The following CAST variants were observed in gnomAD, a reference collection of about 807,000 sequenced individuals.
The protein encoded by CAST is MIR583 host.
In CAST, 76 loss-of-function variants were observed where a neutral mutation model predicts 119.6. That is an observed-to-expected ratio of 0.64 (90% CI 0.53 to 0.77). CAST has a LOEUF of 0.77. Among genes scored for constraint, CAST ranks in the 30% least tolerant of loss-of-function variants. The pLI is 0.00. For synonymous variants in CAST, 319 were observed against 331.6 expected (o/e 0.96, Z 0.41); for missense variants, 953 against 946.5 (o/e 1.01, Z -0.09).
At chr5:96,510,512 GTTC>G in the CAST span, among the ~76,000 whole-genome samples, 10 of 152,124 alleles carry the variant, frequency 6.6e-5, no homozygotes, top group East Asian at 1.9e-3. Flanking sequence ...ATCTTGTTTT[GTTC>G]TTAAGTTCCT....
At chr5:96,230,842 C>T in the CAST span, among the ~76,000 whole-genome samples, 8 of 152,216 alleles carry the variant, frequency 5.3e-5, no homozygotes, top group South Asian at 1.7e-3. Flanking sequence ...TAAGAATAGA[C>T]ATTTCTTTAA....
At chr5:96,091,586 GC>G in the CAST span, among the ~76,000 whole-genome samples, 3 of 147,008 alleles carry the variant, frequency 2.0e-5, no homozygotes. Flanking sequence ...GCTCACTGTA[GC>G]TTTGCCCTCC....
chr5:95,994,232 C>T, the CAST span, among the ~76,000 whole-genome samples: 1 of 152,168 alleles, frequency 6.6e-6, no homozygotes, highest in Non-Finnish European at 1.5e-5. Context: ...TTTATAACCA[C>T]ATTACTTGTA....
chr5:96,516,302 C>T, the CAST span, among the ~76,000 whole-genome samples: 1 of 152,034 alleles, frequency 6.6e-6, no homozygotes, highest in Non-Finnish European at 1.5e-5. Flanking sequence ...TTCAAAACAT[C>T]TCTGCTCAGC....
chr5:96,152,748 TA>T, the CAST span, among the ~76,000 whole-genome samples: 2 of 148,524 alleles, frequency 1.3e-5, no homozygotes, highest in Admixed American at 1.3e-4. Flanking sequence ...AAATACAGTG[TA>T]AAAAAATCAA....
the CAST span, among the ~76,000 whole-genome samples, chr5:96,482,539 A>G: frequency 6.6e-6 from 1 of 151,912 alleles, no homozygotes; most frequent in African/African-American, 2.4e-5. Flanking sequence ...TACCCATGGG[A>G]GTCTTACCTG....
upstream of CAST, chr5:96,529,811 G>A (rs918225890): frequency 2.3e-5 from 10 of 437,696 alleles, no homozygotes; most frequent in African/African-American, 1.6e-4. Flanking sequence ...TCTGTCTTTC[G>A]CCACCCTGTG....
the CAST span, among the ~76,000 whole-genome samples, chr5:95,999,740 C>T: frequency 1.3e-5 from 2 of 152,144 alleles, no homozygotes. Flanking sequence ...TGTGCAGATA[C>T]ATGTTTTTAT....
the CAST span, among the ~76,000 whole-genome samples, chr5:95,995,816 T>C: frequency 6.6e-6 from 1 of 152,142 alleles, no homozygotes; most frequent in South Asian, 2.1e-4. Flanking sequence ...AGCTCCTATA[T>C]CCAATGCATG....
chr5:96,486,924 A>T, the CAST span, among the ~76,000 whole-genome samples: 1 of 152,218 alleles, frequency 6.6e-6, no homozygotes, highest in Non-Finnish European at 1.5e-5. Flanking sequence ...ATCTAAGAAA[A>T]AAAGCCAATC....
chr5:96,550,031 C>T (rs1481757285), intron 1 of CAST, among the ~76,000 whole-genome samples: 6 of 152,198 alleles, frequency 3.9e-5, no homozygotes, highest in Admixed American at 3.9e-4. Context: ...ACGTCCCTGC[C>T]CGACAGCTCT....
the CAST span, among the ~76,000 whole-genome samples, chr5:96,276,728 T>A: frequency 6.6e-6 from 1 of 152,246 alleles, no homozygotes; most frequent in Non-Finnish European, 1.5e-5. Context: ...ATCATTTTTG[T>A]TTGGGTAATT....
chr5:96,680,638 AGT>A (rs1199788983), intron 2 of CAST, among the ~76,000 whole-genome samples: 1 of 152,110 alleles, frequency 6.6e-6, no homozygotes, highest in East Asian at 1.9e-4. Flanking sequence ...AAGACCCATC[AGT>A]GTGTGTGGCA....
At chr5:95,989,253 A>T in the CAST span, among the ~76,000 whole-genome samples, 1 of 152,316 alleles carries the variant, frequency 6.6e-6, no homozygotes, top group East Asian at 1.9e-4. Flanking sequence ...TTCCTGCAAT[A>T]ATGTTTCTGT....
intron 1 of CAST, among the ~76,000 whole-genome samples, chr5:96,592,674 A>AG (rs1746984271): frequency 6.6e-6 from 1 of 152,036 alleles, no homozygotes; most frequent in Admixed American, 6.5e-5. Context: ...ATTTTGTGTC[A>AG]CCTTCCTGCT....
At chr5:96,095,776 T>A in the CAST span, among the ~76,000 whole-genome samples, 1 of 151,978 alleles carries the variant, frequency 6.6e-6, no homozygotes, top group African/African-American at 2.4e-5. Context: ...CCTATCTTCT[T>A]GACAAAGACC....
chr5:96,151,066 T>G, the CAST span, among the ~76,000 whole-genome samples: 50,371 of 151,992 alleles, frequency 0.33, 8,571 homozygotes, highest in Middle Eastern at 0.39. Flanking sequence ...ATCTGAGCTG[T>G]GAGAGGGGAG....
intron 1 of CAST, among the ~76,000 whole-genome samples, chr5:96,605,773 A>G (rs917071588): frequency 6.6e-6 from 1 of 152,242 alleles, no homozygotes; most frequent in African/African-American, 2.4e-5. Flanking sequence ...ATAAGAAATC[A>G]TTATTTATAA....
the CAST span, among the ~76,000 whole-genome samples, chr5:96,323,329 A>T: frequency 6.6e-6 from 1 of 152,166 alleles, no homozygotes; most frequent in Non-Finnish European, 1.5e-5. Flanking sequence ...AGTTACAGGG[A>T]TTTTTAAGCT....
Sources: allele counts gnomAD v4.1 joint callset (sites outside exome capture counted in the v4.1 genomes callset), GRCh38; gene constraint gnomAD v4.1.1; transcripts MANE v1.5; gene names NCBI Gene and HGNC (gene_info 2026-07-23, HGNC 2026-07-21).